The following TUB variants were observed in gnomAD, a reference collection of about 807,000 sequenced individuals.
The protein encoded by TUB is tubby protein homolog.
In TUB, 33 loss-of-function variants were observed where a neutral mutation model predicts 59.7. That is an observed-to-expected ratio of 0.55 (90% CI 0.42 to 0.74). TUB has a LOEUF of 0.74. Among genes scored for constraint, TUB ranks in the 30% least tolerant of loss-of-function variants. TUB has a pLI of 0.00. For missense variants in TUB, 659 were observed against 672.0 expected, an observed-to-expected ratio of 0.98 and a Z score of 0.21; for synonymous variants, 293 against 256.4, an observed-to-expected ratio of 1.14 and a Z score of -1.36.
At chr11:8,091,394 G>T (rs1262402558) in intron 3 of TUB, among the ~76,000 whole-genome samples, 1 of 152,162 alleles carries the variant, frequency 6.6e-6, no homozygotes, top group Non-Finnish European at 1.5e-5. Flanking sequence ...CTGTACATCT[G>T]CCAGTGGCTA....
chr11:8,066,187 C>T (rs1454874108), intron 2 of TUB, among the ~76,000 whole-genome samples: 1 of 152,158 alleles, frequency 6.6e-6, no homozygotes, highest in African/African-American at 2.4e-5. Flanking sequence ...TCTCCTCTAG[C>T]CCAGGGTGTT....
chr11:8,030,719 G>C (rs1287991651), intron 1 of TUB, among the ~76,000 whole-genome samples: 1 of 152,178 alleles, frequency 6.6e-6, no homozygotes, highest in African/African-American at 2.4e-5. Context: ...GAGGAGCACA[G>C]AGCTGAGGTC....
intron 1 of TUB, among the ~76,000 whole-genome samples, chr11:8,024,370 C>G (rs1026681605): frequency 2.6e-5 from 4 of 152,208 alleles, no homozygotes; most frequent in African/African-American, 4.8e-5. Flanking sequence ...AATGCCATCT[C>G]TCAGTCTTTC....
rs1304963058 is a variant in TUB, at chr11:8,100,838, C to T, written c.1228C>T (p.Leu410=). 6.2e-7 allele frequency: 1 copy of T among 1,614,098 alleles called. No individual in the cohort carries two copies. The highest frequency in any genetic ancestry group is 1.3e-5 in the African/African-American group (1 of 75,054). The change falls in exon 11 of 12, where the codon CTG becomes TTG. Residue 410 remains leucine (L), a synonymous_variant. Transcript: ENST00000299506. Reference sequence around the variant, plus strand: ...GCTGCCCTCCCAGGAGCATGAGACACTGCTAGCACGCTGGCAGAATAAGAA... The same window carrying T: ...GCTGCCCTCCCAGGAGCATGAGACATTGCTAGCACGCTGGCAGAATAAGAA... ...SIRPRNEHET[L]LARWQNKNTE...
chr11:8,097,510 T>C, intron 7 of TUB, 85 bp downstream of exon 7: 2 of 1,571,700 alleles, frequency 1.3e-6, no homozygotes, highest in Non-Finnish European at 1.7e-6. Flanking sequence ...AAGTCTCATA[T>C]CTACCACTGA....
chr11:8,048,798 A>T (rs548582929), intron 2 of TUB, among the ~76,000 whole-genome samples: 6 of 152,204 alleles, frequency 3.9e-5, no homozygotes, highest in African/African-American at 1.4e-4. Context: ...ATTTCTCTAT[A>T]TAATATGTAA....
Position 8,104,903 on chromosome 11 carries a change from G to A in TUB, c.*3284G>A, listed in dbSNP as rs1309837995. 5 of 151,122 alleles carry A rather than the reference G, an allele frequency of 3.3e-5. No individual in the cohort carries two copies. In the South Asian group the frequency reaches 6.3e-4, roughly 19 times the overall value. 9.4% of individuals were successfully genotyped at this position (151,122 alleles called of 1,614,324 possible). On this transcript the variant is annotated 3_prime_UTR_variant, in exon 12 of 12. Coordinates refer to ENST00000299506, the MANE Select transcript of TUB (RefSeq NM_177972.3). Reference sequence around the variant, plus strand: ...GCCTGCCTCCTTCAGTGACAAGTAGGGCACAAAATTCTAGAAGCAGAAGGT... The same window carrying A: ...GCCTGCCTCCTTCAGTGACAAGTAGAGCACAAAATTCTAGAAGCAGAAGGT...
chr11:8,066,376 A>G (rs1052675215), intron 2 of TUB, among the ~76,000 whole-genome samples: 1 of 152,214 alleles, frequency 6.6e-6, no homozygotes, highest in Non-Finnish European at 1.5e-5. Context: ...TGGGGGCGAA[A>G]GCAACTCCGT....
At chr11:8,051,679 A>G (rs1942937464) in intron 2 of TUB, among the ~76,000 whole-genome samples, 1 of 152,202 alleles carries the variant, frequency 6.6e-6, no homozygotes, top group African/African-American at 2.4e-5. Context: ...GTCTCTTGCC[A>G]TATAGAAGAC....
At chr11:8,039,754 A>T in intron 2 of TUB, 1 of 1,391,948 alleles carries the variant, frequency 7.2e-7, no homozygotes, top group African/African-American at 1.5e-5. Context: ...GGAGACTGTG[A>T]GGGAGGTGGG....
upstream of TUB, chr11:8,036,127 G>A (rs1942642792): frequency 6.6e-6 from 1 of 152,066 alleles, no homozygotes; most frequent in South Asian, 2.1e-4. Flanking sequence ...AATTATATCT[G>A]GGACTTGAGA....
intron 9 of TUB, among the ~76,000 whole-genome samples, 186 bp from the exon 10 acceptor site, chr11:8,100,317 A>G (rs369887693): frequency 2.0e-5 from 3 of 152,064 alleles, no homozygotes; most frequent in Non-Finnish European, 2.9e-5. Flanking sequence ...GCATAAGAGG[A>G]GCTAGTTCTG....
At chr11:8,039,828 T>C (rs562772411) in intron 2 of TUB, 105 of 617,752 alleles carry the variant, frequency 1.7e-4, no homozygotes, top group African/African-American at 1.7e-3. Flanking sequence ...GTGTGTGAAA[T>C]GGGGTTTAGG....
chr11:8,039,495 C>A (rs938794863), intron 1 of TUB: 1 of 621,086 alleles, frequency 1.6e-6, no homozygotes, highest in Non-Finnish European at 2.6e-6. Flanking sequence ...GTCCCTCTAC[C>A]CTGATCCATC....
intron 2 of TUB, among the ~76,000 whole-genome samples, chr11:8,042,394 T>G (rs143641873): frequency 1.3e-5 from 2 of 152,220 alleles, no homozygotes; most frequent in Non-Finnish European, 2.9e-5. Context: ...AACATTTGGG[T>G]GTTTCCACAT....
intron 2 of TUB, among the ~76,000 whole-genome samples, chr11:8,041,426 A>G (rs1309564911): frequency 6.6e-6 from 1 of 152,178 alleles, no homozygotes; most frequent in African/African-American, 2.4e-5. Context: ...TAGGTTTGGA[A>G]TAGTCATAAT....
At chr11:8,040,793 C>T (rs1230737853) in intron 2 of TUB, among the ~76,000 whole-genome samples, 2 of 152,164 alleles carry the variant, frequency 1.3e-5, no homozygotes, top group African/African-American at 4.8e-5. Context: ...GAGACTTCAG[C>T]TCATTTGTCA....
Position 8,090,180 on chromosome 11 carries a change from GC to G in TUB, c.208del (p.Leu70TrpfsTer85). 1 of 1,613,746 alleles carries G rather than the reference GC, an allele frequency of 6.2e-7. No individual in the cohort carries two copies. The highest frequency in any genetic ancestry group is 8.5e-7 in the Non-Finnish European group (1 of 1,179,972). Reference sequence around the variant, plus strand: ...GCGGGCCCGGCAGTCAGAGGAACAAGCCCCCCTGGTGGAGTCCTACCTCAGC... The same window carrying G: ...GCGGGCCCGGCAGTCAGAGGAACAAGCCCCCTGGTGGAGTCCTACCTCAGC... ...SRRARQSEEQ[A>X]PLVESYLSSS... On this transcript the variant is annotated frameshift_variant, in exon 3 of 12. Coordinates refer to ENST00000299506, the MANE Select transcript of TUB (RefSeq NM_177972.3). LOFTEE classifies it high-confidence loss of function.
At chr11:8,066,277 C>T (rs1023719195) in intron 2 of TUB, among the ~76,000 whole-genome samples, 7 of 152,178 alleles carry the variant, frequency 4.6e-5, no homozygotes, top group African/African-American at 1.7e-4. Flanking sequence ...ACAGCCTTTT[C>T]CCCTGCAGGA....
Sources: allele counts gnomAD v4.1 joint callset (sites outside exome capture counted in the v4.1 genomes callset), GRCh38; gene constraint gnomAD v4.1.1; transcripts MANE v1.5; gene names NCBI Gene and HGNC (gene_info 2026-07-23, HGNC 2026-07-21).